The following CPNE4 variants were observed in gnomAD, a reference collection of about 807,000 sequenced individuals.
CPNE4 encodes copine 4.
In CPNE4, 25 loss-of-function variants were observed where a neutral mutation model predicts 67.9. The ratio of observed to expected loss-of-function variants is 0.37; its 90% CI spans 0.27 to 0.51. The LOEUF (loss-of-function observed/expected upper bound fraction) is 0.51. Ranked by LOEUF, CPNE4 falls within the 20% of genes least tolerant of loss-of-function variation. The probability of loss-of-function intolerance (pLI) is 0.93; values close to 1 mark genes in which losing one functional copy is unlikely to be tolerated. For synonymous variants in CPNE4, 242 were observed against 244.9 expected, an observed-to-expected ratio of 0.99 and a Z score of 0.11; for missense variants, 464 against 690.8, an observed-to-expected ratio of 0.67 and a Z score of 3.68.
intron 7 of CPNE4, among the ~76,000 whole-genome samples, chr3:131,642,763 C>T (rs973386959): frequency 1.3e-5 from 2 of 152,160 alleles, no homozygotes; most frequent in Admixed American, 1.3e-4. Context: ...TGAGGAAGGA[C>T]ATGCTTGCTT....
chr3:131,768,729 C>T (rs968496245), intron 2 of CPNE4, among the ~76,000 whole-genome samples: 1 of 152,050 alleles, frequency 6.6e-6, no homozygotes, highest in Non-Finnish European at 1.5e-5. Flanking sequence ...TTATCCTCTG[C>T]ACCACAAACT....
chr3:131,548,935 G>A (rs1936022299), intron 14 of CPNE4, among the ~76,000 whole-genome samples: 1 of 152,112 alleles, frequency 6.6e-6, no homozygotes, highest in Non-Finnish European at 1.5e-5. Flanking sequence ...GTAGCTAAAG[G>A]GCAAAGCAGA....
At chr3:131,805,992 AATC>A (rs1374398864) in intron 2 of CPNE4, among the ~76,000 whole-genome samples, 1 of 152,246 alleles carries the variant, frequency 6.6e-6, no homozygotes, top group African/African-American at 2.4e-5. Flanking sequence ...AATAATCGGA[AATC>A]ATGAAATTCC....
rs574604056 is a variant in CPNE4, at chr3:131,696,564, T to C, written c.485A>G (p.Asn162Ser). The change falls in exon 5 of 16, where the codon AAT becomes AGT. Residue 162 changes from asparagine (N) to serine (S), a missense_variant. Coordinates refer to ENST00000429747, the MANE Select transcript of CPNE4 (RefSeq NM_130808.3). ...GNDDYVELAF[N>S]ARKLDDKDFF... ...TACCTTGTCATCCAATTTCCGTGCA[T>C]TGAATGCAAGCTCAACATAGTCGTC... is the stretch of plus-strand genomic sequence containing the variant. 27 of 1,614,026 alleles carry C rather than the reference T, an allele frequency of 1.7e-5. No homozygotes were observed. The South Asian group carries it at 2.4e-4, about 14-fold the overall frequency.
At chr3:131,705,165 T>G (rs115263076) in intron 3 of CPNE4, among the ~76,000 whole-genome samples, 2,710 of 152,240 alleles carry the variant, frequency 0.018, 93 homozygotes, top group African/African-American at 0.062. Flanking sequence ...ATGAGAAGTT[T>G]GGAATCATTG....
chr3:131,933,357 G>A (rs2071126790), intron 1 of CPNE4, among the ~76,000 whole-genome samples: 2 of 152,198 alleles, frequency 1.3e-5, no homozygotes, highest in African/African-American at 4.8e-5. Flanking sequence ...ATTCTAGGAG[G>A]AAATTTGAGA....
At chr3:131,758,205 A>G (rs2082800347) in intron 2 of CPNE4, among the ~76,000 whole-genome samples, 1 of 152,082 alleles carries the variant, frequency 6.6e-6, no homozygotes, top group Admixed American at 6.6e-5. Flanking sequence ...AGCTGCAGAC[A>G]CTCAATGCCA....
intron 1 of CPNE4, among the ~76,000 whole-genome samples, chr3:132,008,593 A>G (rs2107674258): frequency 6.6e-6 from 1 of 152,268 alleles, no homozygotes; most frequent in East Asian, 1.9e-4. Context: ...GTATATGTGC[A>G]CATTTGTGCA....
chr3:131,768,760 A>C (rs1480875691), intron 2 of CPNE4, among the ~76,000 whole-genome samples: 1 of 152,122 alleles, frequency 6.6e-6, no homozygotes, highest in African/African-American at 2.4e-5. Flanking sequence ...CTTCCCTGCC[A>C]TGCAACCAGA....
chr3:131,674,697 TTCTG>T (rs1026903887), intron 6 of CPNE4, among the ~76,000 whole-genome samples: 20 of 152,042 alleles, frequency 1.3e-4, no homozygotes, highest in Admixed American at 1.2e-3. Flanking sequence ...TATTTGGGTA[TTCTG>T]TCTTTTTTTC....
At chr3:131,886,354 A>G (rs1429384825) in intron 2 of CPNE4, among the ~76,000 whole-genome samples, 8 of 152,266 alleles carry the variant, frequency 5.3e-5, no homozygotes, top group Admixed American at 4.6e-4. Context: ...ACCTCTGCCT[A>G]TATTTTAGAA....
At chr3:131,653,740 GTCTT>G (rs1229657536) in intron 7 of CPNE4, among the ~76,000 whole-genome samples, 13 of 152,236 alleles carry the variant, frequency 8.5e-5, no homozygotes, top group African/African-American at 3.1e-4. Flanking sequence ...AAACTTCCAG[GTCTT>G]TGCACATGCG....
intron 6 of CPNE4, among the ~76,000 whole-genome samples, chr3:131,673,683 C>T (rs1454459057): frequency 4.0e-5 from 6 of 151,878 alleles, no homozygotes; most frequent in Admixed American, 6.6e-5. Context: ...TGCAACTTTG[C>T]TGAGTTTATT....
rs546511956 is a variant in CPNE4, at chr3:131,821,099, A to T, written c.180+84165T>A. ...TCTCATATTTGCCCCAGAAAACTGA[A>T]GGAGGAGGAGGAGGTTGGCTTACAG... On this transcript the variant is annotated intron_variant, in intron 2 of 15. Coordinates refer to ENST00000429747, the MANE Select transcript of CPNE4 (RefSeq NM_130808.3). Among the ~76,000 whole-genome samples the T allele has an allele frequency of 3.3e-5, 5 of 152,314 alleles. 1 individual carries two copies. The South Asian group carries it at 1.0e-3, about 32-fold the overall frequency.
At chr3:131,913,976 G>T (rs997673776) in intron 1 of CPNE4, among the ~76,000 whole-genome samples, 1 of 152,188 alleles carries the variant, frequency 6.6e-6, no homozygotes, top group African/African-American at 2.4e-5. Flanking sequence ...TGTGATCATT[G>T]CTGTTGTTTT....
At chr3:131,638,375 G>A (rs900132508) in intron 7 of CPNE4, among the ~76,000 whole-genome samples, 30 of 151,986 alleles carry the variant, frequency 2.0e-4, no homozygotes, top group Non-Finnish European at 2.9e-5. Context: ...GACACCAAAA[G>A]TGAGCAGGAA....
At chr3:131,557,700 G>A (rs1936536329) in intron 11 of CPNE4, among the ~76,000 whole-genome samples, 2 of 152,036 alleles carry the variant, frequency 1.3e-5, no homozygotes, top group African/African-American at 4.8e-5. Context: ...GCTTATGAAG[G>A]ATTAGCTATA....
Position 131,550,059 on chromosome 3 carries a change from G to A in CPNE4, c.1190C>T (p.Ala397Val). Residue 397 changes from alanine to valine, a missense_variant, in exon 14 of 16, where the codon GCC becomes GTC. Transcript: ENST00000429747. The stretch of plus-strand genomic sequence containing the variant: ...GAGCTTAGGAAGACAGCTCTGATAG[G>A]CTTCCACAACTCCTTGAATTCCTGA... Reference protein sequence around the residue: ...ECAGIQGVVEAYQSCLPKLQL... With the variant: ...ECAGIQGVVEVYQSCLPKLQL... 6.2e-7 allele frequency: 1 copy of A among 1,613,002 alleles called. No homozygotes were observed. Among genetic ancestry groups the A allele is most frequent in the Non-Finnish European group, 8.5e-7 (1 of 1,179,310 alleles).
chr3:131,963,273 C>T (rs961572964), intron 1 of CPNE4, among the ~76,000 whole-genome samples: 2 of 152,162 alleles, frequency 1.3e-5, no homozygotes, highest in Non-Finnish European at 2.9e-5. Context: ...CACTTGCCTA[C>T]ACCACCAGGG....
Sources: gnomAD v4.1 joint callset for allele counts (sites outside exome capture counted in the v4.1 genomes callset) on GRCh38, gnomAD v4.1.1 for gene constraint, MANE v1.5 for transcripts, NCBI Gene and HGNC (gene_info 2026-07-23, HGNC 2026-07-21) for gene names.